The following KIAA2012 variants were observed in gnomAD, a reference collection of about 807,000 sequenced individuals.
KIAA2012 encodes the protein uncharacterized protein KIAA2012.
In KIAA2012, 125 loss-of-function variants were observed where a neutral mutation model predicts 150.6. The observed-to-expected ratio is 0.83, with a 90% CI of 0.72 to 0.96. The LOEUF is 0.96. KIAA2012 is among the 40% of genes least tolerant of loss of function. KIAA2012 has a pLI of 0.00. For synonymous variants in KIAA2012, 462 were observed against 504.7 expected (o/e 0.92, Z 1.13); for missense variants, 1,219 against 1,354.9 (o/e 0.90, Z 1.57).
chr2:202,200,114 A>G (rs1282325515), intron 22 of KIAA2012, among the ~76,000 whole-genome samples: 1 of 151,684 alleles, frequency 6.6e-6, no homozygotes, highest in Admixed American at 6.6e-5. Flanking sequence ...TATTTTTAGT[A>G]GAGACGGGGG....
At chr2:202,092,088 C>T (rs1689738678) in intron 3 of KIAA2012, among the ~76,000 whole-genome samples, 1 of 152,168 alleles carries the variant, frequency 6.6e-6, no homozygotes, top group Non-Finnish European at 1.5e-5. Flanking sequence ...TCCAACATTC[C>T]CCAGAATGAA....
rs1243340695 is a variant in KIAA2012, at chr2:202,184,758, G to A, written c.2125G>A (p.Glu709Lys). 1.3e-6 allele frequency: 2 copies of A among 1,539,262 alleles called. 1 individual carries two copies. ...RETHHNDQDPEPRSMTLDSPR... is the reference protein window; with the variant it reads ...RETHHNDQDPKPRSMTLDSPR... ...TTGATACTCTGTTTTCACAGACCCA[G>A]AGCCAAGGAGTATGACCCTTGACTC... Residue 709 changes from glutamate (E) to lysine (K), a missense_variant, in exon 16 of 24, where the codon GAG becomes AAG. Transcript: ENST00000498697.
intron 2 of KIAA2012, 61 bp from the exon 3 acceptor site, chr2:202,090,709 T>G: frequency 6.8e-7 from 1 of 1,477,114 alleles, no homozygotes; most frequent in African/African-American, 1.4e-5. Flanking sequence ...CTAACCAGCC[T>G]GTATCACTGG....
chr2:202,123,546 G>A (rs574203740), intron 11 of KIAA2012, among the ~76,000 whole-genome samples: 24 of 152,092 alleles, frequency 1.6e-4, no homozygotes, highest in South Asian at 2.1e-4. Context: ...GCACGTGACC[G>A]TGTGTGTGCC....
intron 11 of KIAA2012, among the ~76,000 whole-genome samples, chr2:202,117,893 T>G (rs1690566477): frequency 6.6e-6 from 1 of 152,226 alleles, no homozygotes; most frequent in Admixed American, 6.5e-5. Flanking sequence ...GATCACTGAA[T>G]CCCTTTGTTT....
intron 22 of KIAA2012, chr2:202,201,578 T>C (rs113481692): frequency 1.9e-6 from 3 of 1,609,824 alleles, no homozygotes; most frequent in African/African-American, 2.7e-5. Context: ...CCACCAGCAC[T>C]GTGGAGCCAG....
At chr2:202,126,248 T>A (rs1004128756) in intron 12 of KIAA2012, among the ~76,000 whole-genome samples, 3 of 151,898 alleles carry the variant, frequency 2.0e-5, no homozygotes, top group African/African-American at 7.3e-5. Context: ...CCACCACTCC[T>A]GGCCTCCTGG....
At chr2:202,128,244 C>T (rs1690844516) in intron 12 of KIAA2012, among the ~76,000 whole-genome samples, 2 of 152,126 alleles carry the variant, frequency 1.3e-5, no homozygotes, top group Admixed American at 1.3e-4. Flanking sequence ...AGACTTTTCT[C>T]TCCATGAAAC....
intron 15 of KIAA2012, among the ~76,000 whole-genome samples, chr2:202,171,218 C>T (rs1056047377): frequency 6.6e-6 from 1 of 152,048 alleles, no homozygotes; most frequent in African/African-American, 2.4e-5. Context: ...CACACACACA[C>T]ACACACCCCA....
At chr2:202,188,724 T>G (rs1322515656) in intron 18 of KIAA2012, among the ~76,000 whole-genome samples, 2 of 152,190 alleles carry the variant, frequency 1.3e-5, no homozygotes, top group Non-Finnish European at 2.9e-5. Context: ...CAGCAGATTC[T>G]ATTGCCACTG....
intron 15 of KIAA2012, among the ~76,000 whole-genome samples, chr2:202,171,392 G>C (rs574066766): frequency 4.6e-5 from 7 of 152,194 alleles, no homozygotes; most frequent in Admixed American, 2.0e-4. Context: ...AGCTTCTCTC[G>C]GGGCCTGCCG....
At chr2:202,198,166 C>T (rs1225197950) in intron 22 of KIAA2012, among the ~76,000 whole-genome samples, 2 of 117,856 alleles carry the variant, frequency 1.7e-5, no homozygotes, top group African/African-American at 6.4e-5. Flanking sequence ...AAGAGCAAGG[C>T]TCTTTCTCAA....
intron 3 of KIAA2012, among the ~76,000 whole-genome samples, chr2:202,091,528 T>C (rs929197600): frequency 6.6e-6 from 1 of 152,166 alleles, no homozygotes; most frequent in Non-Finnish European, 1.5e-5. Flanking sequence ...AAATGCACTC[T>C]GTAGATGCTT....
chr2:202,122,137 C>G (rs892109392), intron 11 of KIAA2012, among the ~76,000 whole-genome samples: 2 of 152,168 alleles, frequency 1.3e-5, no homozygotes, highest in African/African-American at 4.8e-5. Context: ...AGGGCCAGAC[C>G]AGGGAAAGCC....
chr2:202,192,064 C>T (rs191093132), intron 19 of KIAA2012, among the ~76,000 whole-genome samples: 3 of 152,296 alleles, frequency 2.0e-5, no homozygotes, highest in Admixed American at 2.0e-4. Context: ...CTTTATAGTT[C>T]TCAGTCCCTC....
chr2:202,093,656 G>A (rs765682425), intron 4 of KIAA2012, among the ~76,000 whole-genome samples: 4 of 152,130 alleles, frequency 2.6e-5, no homozygotes, highest in South Asian at 2.1e-4. Context: ...AATGTGTATC[G>A]AAATGGCTGT....
chr2:202,076,873 G>A, intron 2 of KIAA2012: 1 of 432,474 alleles, frequency 2.3e-6, no homozygotes, highest in Non-Finnish European at 4.6e-6. Context: ...CTGCATCACA[G>A]GCAGGTTGAC....
chr2:202,163,260 C>T (rs1209404), intron 14 of KIAA2012, among the ~76,000 whole-genome samples: 2 of 151,792 alleles, frequency 1.3e-5, no homozygotes, highest in African/African-American at 2.4e-5. Context: ...CATGCCACCA[C>T]GCCTGGCTAA....
chr2:202,196,186 CTTTT>C (rs869092899), intron 21 of KIAA2012, among the ~76,000 whole-genome samples: 12 of 79,668 alleles, frequency 1.5e-4, no homozygotes, highest in East Asian at 1.3e-3. Context: ...CTTTTCTTTT[CTTTT>C]TTTTTTTTTT....
Sources: gnomAD v4.1 joint callset for allele counts (sites outside exome capture counted in the v4.1 genomes callset) on GRCh38, gnomAD v4.1.1 for gene constraint, MANE v1.5 for transcripts, NCBI Gene and HGNC (gene_info 2026-07-23, HGNC 2026-07-21) for gene names.